LRRN4: variants seen among roughly 807,000 people sequenced by gnomAD.
LRRN4 encodes the protein leucine rich repeat neuronal 4.
In LRRN4, 26 loss-of-function variants were observed where a neutral mutation model predicts 22.3. That is an observed-to-expected ratio of 1.16 (90% CI 0.85 to 1.62). The LOEUF (loss-of-function observed/expected upper bound fraction) is 1.62. LRRN4 is among the 40% of genes most tolerant of loss of function. LRRN4 has a pLI of 0.00. For missense variants in LRRN4, 1,070 were observed against 1,008.5 expected, an observed-to-expected ratio of 1.06 and a Z score of -0.83; for synonymous variants, 496 against 486.2, an observed-to-expected ratio of 1.02 and a Z score of -0.26.
At position 6,052,333 on chromosome 20, in the gene LRRN4, T is replaced by A. The variant is rs1398567736; in HGVS notation, c.467A>T (p.Asn156Ile). The A allele has an allele frequency of 1.3e-6, 2 of 1,509,816 alleles. No individual in the cohort carries two copies. The highest frequency in any genetic ancestry group is 1.8e-6 in the Non-Finnish European group (2 of 1,137,042). The allele number at this position is 1,509,816 out of a possible 1,614,324, so 93.5% of individuals were successfully genotyped here. The part of the protein sequence containing the change: ...SSLRALALAG[N>I]PLRALQPRAF... ...CCGGGGCTGCAGCGCCCGCAGCGGATTCCCGGCGAGCGCCAGGGCGCGGAG... is the reference window on the plus strand; with the variant it reads ...CCGGGGCTGCAGCGCCCGCAGCGGAATCCCGGCGAGCGCCAGGGCGCGGAG... The change falls in exon 2 of 5, where the codon AAT (asparagine) becomes ATT (isoleucine). Residue 156 changes from asparagine to isoleucine, a missense_variant. Asn to Ile is a moderately radical substitution (Grantham distance 149, BLOSUM62 -3). Transcript: ENST00000378858.
chr20:6,052,335 C>T lies in LRRN4; in HGVS notation c.465G>A (p.Gly155=), dbSNP rs748112064. The change falls in exon 2 of 5, where the codon GGG becomes GGA. Residue 155 remains glycine, a synonymous_variant. Transcript: ENST00000378858. ...LSSLRALALA[G]NPLRALQPRA... is the part of the protein sequence containing the mutation. ...GGGGCTGCAGCGCCCGCAGCGGATT[C>T]CCGGCGAGCGCCAGGGCGCGGAGGC... 10 of 1,509,022 alleles carry T rather than the reference C, an allele frequency of 6.6e-6. No individual in the cohort carries two copies. In the African/African-American group the frequency reaches 1.2e-4, roughly 18 times the overall value. 93.5% of individuals were successfully genotyped at this position (1,509,022 alleles called of 1,614,324 possible).
In LRRN4 at chr20:6,042,178, G is replaced by T; in HGVS notation, c.1067C>A (p.Ser356Tyr). 6.2e-7 allele frequency: 1 copy of T among 1,614,116 alleles called. No homozygotes were observed. The highest frequency in any genetic ancestry group is 8.5e-7 in the Non-Finnish European group (1 of 1,180,004). ...SGPFSASLSL[S>Y]QLPGVCQSDQ... is the part of the protein sequence containing the mutation. ...GGACTGGCACACTCCGGGCAGCTGG[G>T]AGAGTGACAGGGAGGCTGAGAAGGG... is the stretch of plus-strand genomic sequence containing the variant. The change falls in exon 5 of 5, where the codon TCC becomes TAC. Residue 356 changes from serine to tyrosine, a missense_variant. By Grantham distance (144) the Ser-to-Tyr change is moderately radical. Transcript: ENST00000378858.
At chr20:6,048,617 C>G (rs887610445) in intron 3 of LRRN4, among the ~76,000 whole-genome samples, 3 of 152,194 alleles carry the variant, frequency 2.0e-5, no homozygotes, top group African/African-American at 7.2e-5. Context: ...ATCTGGATTG[C>G]TGCAAGAGTA....
In LRRN4 at chr20:6,041,847, G is replaced by A. The variant is rs1980965495; in HGVS notation, c.1398C>T (p.Val466=). 6.2e-7 allele frequency: 1 copy of A among 1,614,066 alleles called. No homozygotes were observed. The part of the protein sequence containing the change: ...QHRGEHAPEL[V]LEPDISAAST... ...AGGCAGCTGAGATATCAGGCTCAAGGACAAGCTCGGGGGCATGTTCTCCTC... is the reference window on the plus strand; with the variant it reads ...AGGCAGCTGAGATATCAGGCTCAAGAACAAGCTCGGGGGCATGTTCTCCTC... The change falls in exon 5 of 5, where the codon GTC becomes GTT. Residue 466 remains valine (V), a synonymous_variant. Transcript: ENST00000378858. This position sits in a 1 kb window ranked among gnomAD's most constrained non-coding sequence, Gnocchi z 9.4.
intron 3 of LRRN4, 83 bp downstream of exon 3, chr20:6,050,696 G>T: frequency 1.5e-6 from 2 of 1,310,532 alleles, no homozygotes; most frequent in Non-Finnish European, 2.2e-6. Flanking sequence ...AAAAATTAAG[G>T]TCTGGTTTGT....
In LRRN4 at chr20:6,041,236, G is replaced by A. The variant is rs752197478; in HGVS notation, c.2009C>T (p.Pro670Leu). Residue 670 changes from proline (P) to leucine (L), a missense_variant, in exon 5 of 5, where the codon CCG (proline) becomes CTG (leucine). By Grantham distance (98) the Pro-to-Leu change is moderately conservative. Transcript: ENST00000378858. This position sits in a 1 kb window ranked among gnomAD's most constrained non-coding sequence, Gnocchi z 9.4. ...GGGCTTGGTGGTGAAGGCGGCGCACGGGCTCCTCCAGCCCGAAGACCGTGG... is the reference window on the plus strand; with the variant it reads ...GGGCTTGGTGGTGAAGGCGGCGCACAGGCTCCTCCAGCCCGAAGACCGTGG... ...SQPRSSGWRS[P>L]CAAFTTKPSF... 1.3e-6 allele frequency: 2 copies of A among 1,582,298 alleles called. No individual in the cohort carries two copies. The highest frequency in any genetic ancestry group is 1.7e-6 in the Non-Finnish European group (2 of 1,163,960).
At position 6,052,723 on chromosome 20, in the gene LRRN4, G is replaced by T; in HGVS notation, c.77C>A (p.Pro26Gln). ...GCCCTGCTGAGTGACCCGGAAGAGC[G>T]GGACCTTCTCCTGGGGAGGGTCTGC... Reference protein sequence around the residue: ...SWADPPQEKVPLFRVTQQGPW... With the variant: ...SWADPPQEKVQLFRVTQQGPW... The change falls in exon 2 of 5, where the codon CCG becomes CAG. Residue 26 changes from proline (P) to glutamine (Q), a missense_variant. Pro to Gln is a moderately conservative substitution (Grantham distance 76). Transcript: ENST00000378858. The T allele has an allele frequency of 6.4e-7, 1 of 1,570,984 alleles. No individual in the cohort carries two copies.
intron 2 of LRRN4, among the ~76,000 whole-genome samples, chr20:6,051,612 G>A (rs190931709): frequency 2.6e-4 from 40 of 152,310 alleles, no homozygotes; most frequent in Admixed American, 7.2e-4. Flanking sequence ...CCACTCTCCT[G>A]TGGCTTGAGT....
chr20:6,043,113 A>T (rs1201719812), intron 4 of LRRN4, among the ~76,000 whole-genome samples: 1 of 152,144 alleles, frequency 6.6e-6, no homozygotes, highest in Non-Finnish European at 1.5e-5. Context: ...AGCTCAAATC[A>T]ACAGTAGTAA....
At position 6,044,689 on chromosome 20, in the gene LRRN4, C is replaced by A. The variant is rs1389173369; in HGVS notation, c.861-9G>T. ...AGGAACTCAAGTTGCAGCTGAAATA[C>A]AAACAAAAAAATTAATTAAGTCAGG... On this transcript the variant is annotated splice_polypyrimidine_tract_variant and intron_variant, in intron 3 of 4. Coordinates refer to ENST00000378858, the MANE Select transcript of LRRN4 (RefSeq NM_152611.5). 8 of 1,513,736 alleles carry A rather than the reference C, an allele frequency of 5.3e-6. No individual in the cohort carries two copies. The Admixed American group carries it at 6.8e-5, about 13-fold the overall frequency. The allele number at this position is 1,513,736 out of a possible 1,614,324, so 93.8% of individuals were successfully genotyped here.
intron 4 of LRRN4, 81 bp from the exon 5 acceptor site, chr20:6,042,327 G>T (rs956144402): frequency 2.7e-6 from 4 of 1,459,412 alleles, no homozygotes; most frequent in Non-Finnish European, 3.6e-6. Flanking sequence ...CATTGCCGAC[G>T]TCACCCCCTG....
chr20:6,046,437 C>T (rs1981100846), intron 3 of LRRN4, among the ~76,000 whole-genome samples: 1 of 148,754 alleles, frequency 6.7e-6, no homozygotes, highest in Admixed American at 6.8e-5. Flanking sequence ...AATGGCAGAT[C>T]TGCTCCTGGC....
chr20:6,042,405 T>C (rs965027808), intron 4 of LRRN4, among the ~76,000 whole-genome samples, 159 bp from the exon 5 acceptor site: 2 of 152,138 alleles, frequency 1.3e-5, no homozygotes, highest in Non-Finnish European at 2.9e-5. Flanking sequence ...CATCACCTCA[T>C]TGATTCTGGG....
intron 3 of LRRN4, among the ~76,000 whole-genome samples, chr20:6,048,413 G>C (rs907251766): frequency 6.6e-6 from 1 of 152,044 alleles, no homozygotes; most frequent in African/African-American, 2.4e-5. Context: ...TTATACCTCT[G>C]GCTCAGACTC....
chr20:6,044,629 T>C lies in LRRN4; in HGVS notation c.912A>G (p.Leu304=). ...PPWTLDSSQV[L]SINLFGNPLT... ...GGGGGTTGCCAAAGAGGTTGATCGA[T>C]AGGACCTGGGAGGAATCCAGGGTCC... Residue 304 remains leucine (L), a synonymous_variant, in exon 4 of 5, where the codon CTA becomes CTG. Coordinates refer to ENST00000378858, the MANE Select transcript of LRRN4 (RefSeq NM_152611.5). 3 of 1,597,236 alleles carry C rather than the reference T, an allele frequency of 1.9e-6. No homozygotes were observed. Among genetic ancestry groups the C allele is most frequent in the African/African-American group, 1.3e-5 (1 of 74,682 alleles).
chr20:6,052,817 C>G lies in LRRN4; in HGVS notation c.-5-13G>C. ...TGCCGCATGGCGTCTGGGGAGAGAA[C>G]AGCAGGACGCCCATCAAATCCACAG... is the stretch of plus-strand genomic sequence containing the variant. On this transcript the variant is annotated splice_polypyrimidine_tract_variant and intron_variant, in intron 1 of 4. Coordinates refer to ENST00000378858, the MANE Select transcript of LRRN4 (RefSeq NM_152611.5). 6.5e-7 allele frequency: 1 copy of G among 1,545,098 alleles called. No homozygotes were observed. The highest frequency in any genetic ancestry group is 8.7e-7 in the Non-Finnish European group (1 of 1,151,562).
intron 4 of LRRN4, among the ~76,000 whole-genome samples, chr20:6,043,237 C>T (rs745378638): frequency 6.6e-6 from 1 of 151,824 alleles, no homozygotes; most frequent in South Asian, 2.1e-4. Context: ...AGTGAGACCT[C>T]GTCTCTACCA....
chr20:6,052,159 G>A lies in LRRN4; in HGVS notation c.641C>T (p.Thr214Met). The A allele has an allele frequency of 6.3e-7, 1 of 1,597,588 alleles. No individual in the cohort carries two copies. The highest frequency in any genetic ancestry group is 1.3e-5 in the African/African-American group (1 of 74,510). Residue 214 changes from threonine (T) to methionine (M), a missense_variant, in exon 2 of 5, where the codon ACG becomes ATG. Transcript: ENST00000378858. The part of the protein sequence containing the change: ...VTLEVLDLSG[T>M]FLERVESGWI... ...CCCGGACTCACCCCGTTCAAGGAACGTGCCGCTGAGATCCAGGACTTCGAG... is the reference window on the plus strand; with the variant it reads ...CCCGGACTCACCCCGTTCAAGGAACATGCCGCTGAGATCCAGGACTTCGAG...
At chr20:6,049,188 T>A (rs1981183981) in intron 3 of LRRN4, among the ~76,000 whole-genome samples, 1 of 152,192 alleles carries the variant, frequency 6.6e-6, no homozygotes, top group Non-Finnish European at 1.5e-5. Context: ...GAGCTTGGAC[T>A]TGCCTTTTGA....
Sources: allele counts gnomAD v4.1 joint callset (sites outside exome capture counted in the v4.1 genomes callset), GRCh38; gene constraint gnomAD v4.1.1; non-coding constraint Gnocchi (gnomAD v3.1); transcripts MANE v1.5; gene names NCBI Gene and HGNC (gene_info 2026-07-23, HGNC 2026-07-21).